MYO18B: variants seen among roughly 807,000 people sequenced by gnomAD.
The protein encoded by MYO18B is unconventional myosin-XVIIIb.
MYO18B carries 204 observed loss-of-function variants against 273.0 expected under a neutral mutation model. That is an observed-to-expected ratio of 0.75 (90% CI 0.67 to 0.84). The LOEUF is 0.84. Ranked by LOEUF, MYO18B falls within the 40% of genes least tolerant of loss-of-function variation. The pLI, the probability that MYO18B is intolerant of heterozygous loss-of-function variation, is 0.00. For synonymous variants in MYO18B, 1,330 were observed against 1,305.7 expected, an observed-to-expected ratio of 1.02 and a Z score of -0.40; for missense variants, 3,212 against 3,287.6, an observed-to-expected ratio of 0.98 and a Z score of 0.56.
chr22:25,901,051 A>G (rs988962035), intron 29 of MYO18B: 2 of 152,260 alleles, frequency 1.3e-5, no homozygotes, highest in African/African-American at 4.8e-5. Flanking sequence ...CTGCTGGATC[A>G]TCACCCTCAT....
the MYO18B span, among the ~76,000 whole-genome samples, chr22:26,039,917 C>G: frequency 6.6e-6 from 1 of 152,140 alleles, no homozygotes; most frequent in Non-Finnish European, 1.5e-5. Flanking sequence ...CTCGACCTCC[C>G]GGGCTCAGGT....
At chr22:25,836,798 T>C (rs1421796517) in intron 17 of MYO18B, among the ~76,000 whole-genome samples, 2 of 151,858 alleles carry the variant, frequency 1.3e-5, no homozygotes, top group South Asian at 2.1e-4. Flanking sequence ...CCATCTCTAC[T>C]AAAAATACAA....
chr22:25,969,411 A>G (rs1254861227), intron 39 of MYO18B, among the ~76,000 whole-genome samples: 1 of 152,194 alleles, frequency 6.6e-6, no homozygotes. Flanking sequence ...CAGCACCATA[A>G]AATACAGCTT....
At chr22:25,837,891 G>C (rs1338278634) in intron 17 of MYO18B, among the ~76,000 whole-genome samples, 4 of 152,042 alleles carry the variant, frequency 2.6e-5, no homozygotes, top group South Asian at 2.1e-4. Context: ...AAATTTTAAG[G>C]TCAGGGGTAC....
At chr22:26,053,270 C>T in the MYO18B span, among the ~76,000 whole-genome samples, 3 of 152,332 alleles carry the variant, frequency 2.0e-5, no homozygotes, top group South Asian at 2.1e-4. Context: ...CAACCATCCT[C>T]ATCATCACTG....
chr22:26,059,715 C>T, the MYO18B span, among the ~76,000 whole-genome samples: 3 of 152,210 alleles, frequency 2.0e-5, no homozygotes, highest in African/African-American at 7.2e-5. Context: ...GAATTAGTCT[C>T]ACAATTCCAC....
At position 25,955,237 on chromosome 22, in the gene MYO18B, C is replaced by T. The variant is rs2092835766; in HGVS notation, c.6029C>T (p.Ala2010Val). Residue 2010 changes from alanine to valine, a missense_variant, in exon 39 of 44, where the codon GCG becomes GTG. Ala to Val is a moderately conservative substitution (Grantham distance 64, BLOSUM62 0). Transcript: ENST00000335473. ...AAGATGGGGGAGGAGCTTTCACAGG[C>T]GGCCACCTCCGAGTCCCAGCAGCGG... ...LIKMGEELSQ[A>V]ATSESQQRES... 8.1e-6 allele frequency: 13 copies of T among 1,613,186 alleles called. No individual in the cohort carries two copies. The highest frequency in any genetic ancestry group is 2.7e-5 in the African/African-American group (2 of 74,848).
intron 1 of MYO18B, among the ~76,000 whole-genome samples, chr22:25,751,337 G>A (rs537476301): frequency 3.3e-5 from 5 of 152,210 alleles, no homozygotes; most frequent in South Asian, 2.1e-4. Flanking sequence ...ACTACCACAC[G>A]CCCTGTGCTG....
intron 21 of MYO18B, among the ~76,000 whole-genome samples, chr22:25,865,571 T>G (rs1370451338): frequency 1.3e-5 from 2 of 152,238 alleles, no homozygotes; most frequent in Admixed American, 1.3e-4. Flanking sequence ...TATGTAGCCC[T>G]GCACAAGCAC....
intron 39 of MYO18B, among the ~76,000 whole-genome samples, chr22:25,990,081 C>T (rs2093248294): frequency 6.6e-6 from 1 of 152,212 alleles, no homozygotes; most frequent in Admixed American, 6.5e-5. Flanking sequence ...CCCCTTCTCC[C>T]TCTCATCAGC....
chr22:25,838,188 A>AAT lies in MYO18B; in HGVS notation c.3208+2755_3208+2756dup, dbSNP rs747513744. ...ATATATATAAATATATGTAAATATA[A>AAT]ATATATATATACATACATACAGAGA... On this transcript the variant is annotated intron_variant, in intron 17 of 43. Transcript: ENST00000335473. Among the ~76,000 whole-genome samples, 217 of 151,198 alleles carry AAT rather than the reference A, an allele frequency of 1.4e-3. 1 individual carries two copies. Among genetic ancestry groups the AAT allele is most frequent in the Non-Finnish European group, 2.0e-3 (134 of 67,850 alleles).
At chr22:25,791,470 G>T (rs942932976) in intron 11 of MYO18B, among the ~76,000 whole-genome samples, 6 of 152,194 alleles carry the variant, frequency 3.9e-5, no homozygotes, top group Non-Finnish European at 8.8e-5. Flanking sequence ...CTCACACTGT[G>T]CCCTTGCTGC....
intron 16 of MYO18B, among the ~76,000 whole-genome samples, chr22:25,833,969 G>A (rs1045958988): frequency 9.2e-5 from 14 of 152,048 alleles, no homozygotes; most frequent in African/African-American, 2.7e-4. Context: ...GCTGACTGTT[G>A]TCAGTGTGTT....
intron 34 of MYO18B, among the ~76,000 whole-genome samples, chr22:25,941,745 A>T (rs562407825): frequency 1.1e-4 from 16 of 152,336 alleles, no homozygotes; most frequent in African/African-American, 3.8e-4. Flanking sequence ...TGCCCCGTGG[A>T]GGTCTTGGGC....
rs146287297 is a variant in MYO18B at position 25,761,073 on chromosome 22, G to C, written c.-20G>C. On this transcript the variant is annotated 5_prime_UTR_variant, in exon 2 of 44. Transcript: ENST00000335473. ...GCTCCATCTCATCTCATCATCTCACGGCCCTGGCACTGCCTCAGCATGGCC... is the reference window on the plus strand; with the variant it reads ...GCTCCATCTCATCTCATCATCTCACCGCCCTGGCACTGCCTCAGCATGGCC... 1.2e-6 allele frequency: 2 copies of C among 1,613,154 alleles called. No homozygotes were observed. Among genetic ancestry groups the C allele is most frequent in the Non-Finnish European group, 8.5e-7 (1 of 1,179,800 alleles).
At chr22:25,896,622 T>C (rs2091809020) in intron 28 of MYO18B, 1 of 152,184 alleles carries the variant, frequency 6.6e-6, no homozygotes, top group Non-Finnish European at 1.5e-5. Flanking sequence ...ATAATATATT[T>C]TTATCTAGCC....
Position 26,026,935 on chromosome 22 carries a change from T to C in MYO18B, c.6961T>C (p.Leu2321=). ...LEIEGAAGGL[L]RSTSLKCISS... is the part of the protein sequence containing the mutation. ...AATCGAAGGGGCCGCTGGTGGTCTC[T>C]TGAGGTCCACCAGCCTCAAATGCAT... Residue 2321 remains leucine (L), a synonymous_variant, in exon 43 of 44, where the codon TTG becomes CTG. Transcript: ENST00000335473. 1 of 1,613,666 alleles carries C rather than the reference T, an allele frequency of 6.2e-7. No individual in the cohort carries two copies. Among genetic ancestry groups the C allele is most frequent in the Non-Finnish European group, 8.5e-7 (1 of 1,179,736 alleles).
intron 10 of MYO18B, 31 bp from the exon 11 acceptor site, chr22:25,785,397 C>T (rs1051179645): frequency 6.3e-7 from 1 of 1,588,962 alleles, no homozygotes; most frequent in Non-Finnish European, 8.6e-7. Flanking sequence ...TGGACAGCCC[C>T]CCTGACTCCT....
At chr22:25,952,878 G>A (rs2092809117) in intron 38 of MYO18B, among the ~76,000 whole-genome samples, 1 of 152,196 alleles carries the variant, frequency 6.6e-6, no homozygotes, top group Non-Finnish European at 1.5e-5. Flanking sequence ...TGTGGGCTAG[G>A]CCCTGTTTTA....
Sources: allele counts gnomAD v4.1 joint callset (sites outside exome capture counted in the v4.1 genomes callset), GRCh38; gene constraint gnomAD v4.1.1; transcripts MANE v1.5; gene names NCBI Gene and HGNC (gene_info 2026-07-23, HGNC 2026-07-21).